TBC1D19: variants seen among roughly 807,000 people sequenced by gnomAD.
TBC1D19 encodes the protein TBC1 domain family member 19.
TBC1D19 carries 60 observed loss-of-function variants against 89.0 expected under a neutral mutation model. The observed-to-expected ratio is 0.67, with a 90% CI of 0.55 to 0.84. The LOEUF (loss-of-function observed/expected upper bound fraction) is 0.84, where lower values mean the gene tolerates loss of function less well. Among genes scored for constraint, TBC1D19 ranks in the 40% least tolerant of loss-of-function variants. The probability of loss-of-function intolerance (pLI) is 0.00; values close to 1 mark genes in which losing one functional copy is unlikely to be tolerated. For missense variants in TBC1D19, 500 were observed against 610.8 expected (o/e 0.82, Z 1.91); for synonymous variants, 189 against 199.7 (o/e 0.95, Z 0.45).
At chr4:26,719,176 A>G (rs1406156590) in intron 14 of TBC1D19, among the ~76,000 whole-genome samples, 1 of 152,078 alleles carries the variant, frequency 6.6e-6, no homozygotes, top group East Asian at 1.9e-4. Flanking sequence ...GAACATATAT[A>G]TGTTTGCCTC....
At chr4:26,695,690 T>G (rs541670411) in intron 13 of TBC1D19, among the ~76,000 whole-genome samples, 1 of 152,024 alleles carries the variant, frequency 6.6e-6, no homozygotes, top group African/African-American at 2.4e-5. Context: ...CAGAAGGGAG[T>G]GGGGGCCAAT....
At chr4:26,637,318 C>T in intron 5 of TBC1D19, 33 bp downstream of exon 5, 1 of 1,458,434 alleles carries the variant, frequency 6.9e-7, no homozygotes, top group Non-Finnish European at 9.5e-7. Flanking sequence ...TTAAGTATTT[C>T]ATTGTGAATC....
chr4:26,708,604 C>G (rs572331735), intron 13 of TBC1D19, among the ~76,000 whole-genome samples: 1 of 152,094 alleles, frequency 6.6e-6, no homozygotes, highest in East Asian at 1.9e-4. Flanking sequence ...TCCTACCTTG[C>G]ATATCGGTTG....
At chr4:26,606,948 C>A (rs1577791310) in intron 1 of TBC1D19, among the ~76,000 whole-genome samples, 1 of 152,114 alleles carries the variant, frequency 6.6e-6, no homozygotes, top group African/African-American at 2.4e-5. Flanking sequence ...CTCCAGTTCC[C>A]TTTGTTCATC....
chr4:26,739,368 A>G (rs1718220450), intron 16 of TBC1D19, among the ~76,000 whole-genome samples: 1 of 152,192 alleles, frequency 6.6e-6, no homozygotes, highest in Non-Finnish European at 1.5e-5. Context: ...CAAAATCTTT[A>G]TTTTCAAATT....
chr4:26,648,945 G>A (rs1051185994), intron 7 of TBC1D19, among the ~76,000 whole-genome samples: 12 of 151,650 alleles, frequency 7.9e-5, no homozygotes, highest in African/African-American at 1.5e-4. Flanking sequence ...TTAAAATTAC[G>A]AATATTTTAA....
rs958412824 is a variant in TBC1D19, at chr4:26,678,806, C to T, written c.817-4869C>T. Reference sequence around the variant, plus strand: ...AATATGGGGGAGGTATGTAGCTTTTCGTCCTATAATCATCTTTTTTAGGAA... The same window carrying T: ...AATATGGGGGAGGTATGTAGCTTTTTGTCCTATAATCATCTTTTTTAGGAA... On this transcript the variant is annotated intron_variant, in intron 11 of 20. Transcript: ENST00000264866. Among the ~76,000 whole-genome samples the T allele has an allele frequency of 8.5e-5, 13 of 152,176 alleles. 1 individual carries two copies. Among genetic ancestry groups the T allele is most frequent in the East Asian group, 7.7e-4 (4 of 5,176 alleles).
intron 4 of TBC1D19, among the ~76,000 whole-genome samples, chr4:26,632,482 A>T (rs1742863596): frequency 6.6e-6 from 1 of 152,044 alleles, no homozygotes; most frequent in Non-Finnish European, 1.5e-5. Flanking sequence ...GATCATCATA[A>T]ATATCTTCAT....
At chr4:26,717,739 C>G (rs1456200990) in intron 13 of TBC1D19, among the ~76,000 whole-genome samples, 194 bp from the exon 14 acceptor site, 5 of 152,044 alleles carry the variant, frequency 3.3e-5, no homozygotes, top group Non-Finnish European at 5.9e-5. Context: ...GTTGAGGTAG[C>G]AAATGGTGAG....
intron 4 of TBC1D19, among the ~76,000 whole-genome samples, chr4:26,625,596 C>G (rs1157423273): frequency 6.6e-6 from 1 of 152,178 alleles, no homozygotes; most frequent in Non-Finnish European, 1.5e-5. Flanking sequence ...ATCCAGGACA[C>G]TACATTACAT....
chr4:26,834,036 TAGTC>T, the TBC1D19 span, among the ~76,000 whole-genome samples: 1 of 152,210 alleles, frequency 6.6e-6, no homozygotes, highest in African/African-American at 2.4e-5. Context: ...GTTCTCGTGA[TAGTC>T]AGTGAGTTCT....
chr4:26,636,920 C>T (rs1743168056), intron 4 of TBC1D19, among the ~76,000 whole-genome samples: 1 of 151,962 alleles, frequency 6.6e-6, no homozygotes, highest in Admixed American at 6.6e-5. Context: ...ATGTTTATTA[C>T]CATATGACTT....
rs927432076 is a variant in TBC1D19 at position 26,742,551 on chromosome 4, C to G, written c.1271C>G (p.Thr424Ser). The G allele has an allele frequency of 6.2e-7, 1 of 1,612,232 alleles. No homozygotes were observed. Among genetic ancestry groups the G allele is most frequent in the Non-Finnish European group, 8.5e-7 (1 of 1,178,956 alleles). The change falls in exon 18 of 21, where the codon ACT becomes AGT. Residue 424 changes from threonine (T) to serine (S), a missense_variant. Transcript: ENST00000264866. The part of the protein sequence containing the change: ...LCLLFETLLQ[T>S]YLPQLFYHLR... ...CTGCTGTTTGAAACTCTTCTTCAAA[C>G]TTATCTTCCCCAACTCTTTTATCAT...
the TBC1D19 span, among the ~76,000 whole-genome samples, chr4:26,824,028 G>A: frequency 6.6e-6 from 1 of 152,212 alleles, no homozygotes; most frequent in Non-Finnish European, 1.5e-5. Flanking sequence ...TATTTGATTG[G>A]ATCAGGGATG....
chr4:26,756,422 CTTT>C (rs918562903), downstream of TBC1D19, among the ~76,000 whole-genome samples: 10 of 151,990 alleles, frequency 6.6e-5, no homozygotes, highest in Admixed American at 1.3e-4. Flanking sequence ...TATGCATTAG[CTTT>C]TTTAAAAGAG....
chr4:26,740,932 T>G, intron 17 of TBC1D19: 2 of 985,448 alleles, frequency 2.0e-6, no homozygotes, highest in South Asian at 4.7e-5. Flanking sequence ...TTCCAGGATG[T>G]TACAGATAAA....
At chr4:26,687,706 T>C (rs922017339) in intron 12 of TBC1D19, among the ~76,000 whole-genome samples, 4 of 152,112 alleles carry the variant, frequency 2.6e-5, no homozygotes, top group African/African-American at 9.7e-5. Context: ...CAAAAAACAT[T>C]TAAGATGTTG....
At chr4:26,660,022 G>T (rs563843940) in intron 8 of TBC1D19, among the ~76,000 whole-genome samples, 105 of 152,238 alleles carry the variant, frequency 6.9e-4, no homozygotes, top group African/African-American at 2.5e-3. Flanking sequence ...GACAAATTGT[G>T]AGTTTTATAA....
At chr4:26,813,044 C>T in the TBC1D19 span, among the ~76,000 whole-genome samples, 3 of 151,828 alleles carry the variant, frequency 2.0e-5, no homozygotes, top group Non-Finnish European at 4.4e-5. Context: ...ATGATTAGGC[C>T]TCATCTCTAG....
Sources: gnomAD v4.1 joint callset for allele counts (sites outside exome capture counted in the v4.1 genomes callset) on GRCh38, gnomAD v4.1.1 for gene constraint, MANE v1.5 for transcripts, NCBI Gene and HGNC (gene_info 2026-07-23, HGNC 2026-07-21) for gene names.